The following RPS6KA5 variants were observed in gnomAD, a reference collection of about 807,000 sequenced individuals.
RPS6KA5 encodes ribosomal protein S6 kinase A5, also known as ribosomal protein S6 kinase alpha-5.
A neutral mutation model predicts 85.5 loss-of-function variants in RPS6KA5; 27 were observed. That is an observed-to-expected ratio of 0.32 (90% CI 0.23 to 0.44). The LOEUF (loss-of-function observed/expected upper bound fraction) is 0.44. Among genes scored for constraint, RPS6KA5 ranks in the 20% least tolerant of loss-of-function variants. The pLI, the probability that RPS6KA5 is intolerant of heterozygous loss-of-function variation, is 1.00. For missense variants in RPS6KA5, 811 were observed against 980.9 expected, an observed-to-expected ratio of 0.83 and a Z score of 2.31; for synonymous variants, 334 against 348.2, an observed-to-expected ratio of 0.96 and a Z score of 0.46.
chr14:90,912,910 T>C (rs1422252927), intron 7 of RPS6KA5, among the ~76,000 whole-genome samples: 1 of 137,606 alleles, frequency 7.3e-6, no homozygotes, highest in Non-Finnish European at 1.6e-5. Context: ...GCATCTTTTT[T>C]TTTTTTTTTT....
chr14:90,926,540 T>G (rs1267843172), intron 5 of RPS6KA5, among the ~76,000 whole-genome samples: 3 of 152,096 alleles, frequency 2.0e-5, no homozygotes, highest in African/African-American at 7.2e-5. Flanking sequence ...ACTTGAGTGG[T>G]GGTTACAAGG....
At chr14:90,953,056 A>C (rs1169318772) in intron 3 of RPS6KA5, among the ~76,000 whole-genome samples, 3 of 152,232 alleles carry the variant, frequency 2.0e-5, no homozygotes, top group Admixed American at 2.0e-4. Flanking sequence ...AAAACGAACA[A>C]GCCTTCAGCA....
intron 2 of RPS6KA5, among the ~76,000 whole-genome samples, chr14:90,998,284 CTG>C (rs1172866826): frequency 1.3e-5 from 2 of 152,150 alleles, no homozygotes; most frequent in Non-Finnish European, 2.9e-5. Flanking sequence ...ATAAAACTGA[CTG>C]TTATAAAATT....
intron 1 of RPS6KA5, among the ~76,000 whole-genome samples, chr14:91,024,425 T>C (rs2041912613): frequency 6.6e-6 from 1 of 152,200 alleles, no homozygotes; most frequent in Non-Finnish European, 1.5e-5. Flanking sequence ...AGGAATATTT[T>C]TATTTGCATT....
chr14:90,973,808 G>A (rs1037725371), intron 3 of RPS6KA5, among the ~76,000 whole-genome samples: 2 of 152,026 alleles, frequency 1.3e-5, no homozygotes, highest in African/African-American at 2.4e-5. Context: ...AGGCCAAGGC[G>A]TGCGGATCAC....
In RPS6KA5 at chr14:90,850,465, A is replaced by T. The variant is rs1169362447; in HGVS notation, c.*21609T>A. Reference sequence around the variant, plus strand: ...CCTAATCAATGTGGGAAACCATACAAAAAAAAAAAAAAAAAACAGAAAATA... The same window carrying T: ...CCTAATCAATGTGGGAAACCATACATAAAAAAAAAAAAAAAACAGAAAATA... On this transcript the variant is annotated 3_prime_UTR_variant, in exon 17 of 17. Coordinates refer to ENST00000614987, the MANE Select transcript of RPS6KA5 (RefSeq NM_004755.4). 2 of 3,362 alleles carry T rather than the reference A, an allele frequency of 5.9e-4. No individual in the cohort carries two copies. The highest frequency in any genetic ancestry group is 0.019 in the South Asian group (1 of 54). The allele number at this position is 3,362 out of a possible 1,614,324, so 0.2% of individuals were successfully genotyped here.
chr14:91,046,192 G>A (rs562465669), intron 1 of RPS6KA5, among the ~76,000 whole-genome samples: 1 of 152,110 alleles, frequency 6.6e-6, no homozygotes, highest in African/African-American at 2.4e-5. Context: ...TACAATAAGC[G>A]TGGCAGCCAG....
At chr14:90,943,320 G>A in intron 4 of RPS6KA5, 135 bp from the exon 5 acceptor site, 1 of 574,920 alleles carries the variant, frequency 1.7e-6, no homozygotes, top group Non-Finnish European at 3.1e-6. Context: ...AATGGCTCTT[G>A]GTGATTGGTC....
rs1405892352 is a variant in RPS6KA5, at chr14:90,862,474, CTTCTTT to C, written c.*9594_*9599del. On this transcript the variant is annotated 3_prime_UTR_variant, in exon 17 of 17. Coordinates refer to ENST00000614987, the MANE Select transcript of RPS6KA5 (RefSeq NM_004755.4). Reference sequence around the variant, plus strand: ...CCTCCTCCTTCTTCTTCTTCTTCTTCTTCTTTTTTTAATGCTAGGCTCCTGCTCTGT... The same window carrying C: ...CCTCCTCCTTCTTCTTCTTCTTCTTCTTTTAATGCTAGGCTCCTGCTCTGT... 1 of 129,408 alleles carries C rather than the reference CTTCTTT, an allele frequency of 7.7e-6. No homozygotes were observed. Among genetic ancestry groups the C allele is most frequent in the Non-Finnish European group, 1.7e-5 (1 of 57,408 alleles). 8.0% of individuals were successfully genotyped at this position (129,408 alleles called of 1,614,324 possible). A position where few individuals can be genotyped will look rare whatever the true frequency, so the allele number is the denominator to read the frequency against.
rs1352152984 is a variant in RPS6KA5, at chr14:90,848,678, GC to G, written c.*23395del. 1 of 151,996 alleles carries G rather than the reference GC, an allele frequency of 6.6e-6. No individual in the cohort carries two copies. Among genetic ancestry groups the G allele is most frequent in the Non-Finnish European group, 1.5e-5 (1 of 68,002 alleles). The allele number at this position is 151,996 out of a possible 1,614,324, so 9.4% of individuals were successfully genotyped here. The stretch of plus-strand genomic sequence containing the variant: ...TTCTAGAGAGACTTAGAAAAAAAAA[GC>G]CATGCAAATAAAAATCTCATTACAT... On this transcript the variant is annotated 3_prime_UTR_variant, in exon 17 of 17. Coordinates refer to ENST00000614987, the MANE Select transcript of RPS6KA5 (RefSeq NM_004755.4).
At chr14:91,041,542 A>T (rs1293010410) in intron 1 of RPS6KA5, among the ~76,000 whole-genome samples, 1 of 152,228 alleles carries the variant, frequency 6.6e-6, no homozygotes, top group Non-Finnish European at 1.5e-5. Context: ...GAAATCTAAA[A>T]TCTTTAACTC....
chr14:90,961,304 T>C (rs186093123), intron 3 of RPS6KA5, among the ~76,000 whole-genome samples: 1 of 152,308 alleles, frequency 6.6e-6, no homozygotes, highest in East Asian at 1.9e-4. Context: ...TTAAGTCAAT[T>C]TTCCAGAGTT....
At chr14:90,986,149 T>TTATTTCC (rs1490084782) in intron 2 of RPS6KA5, among the ~76,000 whole-genome samples, 2 of 150,732 alleles carry the variant, frequency 1.3e-5, no homozygotes, top group African/African-American at 4.9e-5. Context: ...AGTCCTGTGC[T>TTATTTCC]TACATCCAAA....
chr14:90,965,970 A>C (rs1404542834), intron 3 of RPS6KA5, among the ~76,000 whole-genome samples: 2 of 152,196 alleles, frequency 1.3e-5, no homozygotes, highest in African/African-American at 4.8e-5. Flanking sequence ...GAGGTCTTAG[A>C]GGTGCAACTG....
chr14:90,922,938 A>G (rs1415155973), intron 6 of RPS6KA5, among the ~76,000 whole-genome samples, 175 bp downstream of exon 6: 1 of 152,142 alleles, frequency 6.6e-6, no homozygotes, highest in Admixed American at 6.6e-5. Context: ...TTTTCCTCCA[A>G]AATACTAGAT....
intron 1 of RPS6KA5, among the ~76,000 whole-genome samples, chr14:91,005,481 A>ACGC (rs1295597368): frequency 6.6e-6 from 1 of 152,220 alleles, no homozygotes; most frequent in East Asian, 1.9e-4. Flanking sequence ...CACATATGAG[A>ACGC]GCAAATCAGT....
At chr14:90,939,222 C>T (rs1309396086) in intron 5 of RPS6KA5, among the ~76,000 whole-genome samples, 1 of 152,234 alleles carries the variant, frequency 6.6e-6, no homozygotes, top group Admixed American at 6.5e-5. Context: ...TGTTCTACTT[C>T]CCACCAAGTT....
At chr14:91,033,313 C>T (rs934772567) in intron 1 of RPS6KA5, among the ~76,000 whole-genome samples, 8 of 151,890 alleles carry the variant, frequency 5.3e-5, no homozygotes, top group Non-Finnish European at 8.8e-5. Flanking sequence ...TTTTTTTTAA[C>T]GTGACAATAG....
Position 90,863,419 on chromosome 14 carries a change from A to C in RPS6KA5, c.*8655T>G, listed in dbSNP as rs185229887. 2.1e-4 allele frequency: 32 copies of C among 150,660 alleles called. No homozygotes were observed. In the East Asian group the frequency reaches 5.8e-3, roughly 27 times the overall value. 9.3% of individuals were successfully genotyped at this position (150,660 alleles called of 1,614,324 possible). On this transcript the variant is annotated 3_prime_UTR_variant, in exon 17 of 17. Transcript: ENST00000614987. ...GAAGAAGTTTAAGGAGTCCATTGTCATTACTTCATTTAGCATGTTATTGGA... is the reference window on the plus strand; with the variant it reads ...GAAGAAGTTTAAGGAGTCCATTGTCCTTACTTCATTTAGCATGTTATTGGA...
Sources: allele counts gnomAD v4.1 joint callset (sites outside exome capture counted in the v4.1 genomes callset), GRCh38; gene constraint gnomAD v4.1.1; transcripts MANE v1.5; gene names NCBI Gene and HGNC (gene_info 2026-07-23, HGNC 2026-07-21).